TMEM94: variants seen among roughly 807,000 people sequenced by gnomAD.
TMEM94 encodes the protein transmembrane protein 94, also known as ER Mg2+ ATPase.
A neutral mutation model predicts 158.6 loss-of-function variants in TMEM94; 81 were observed. The observed-to-expected ratio is 0.51, with a 90% confidence interval of 0.43 to 0.61. TMEM94 has a LOEUF of 0.61. Among genes scored for constraint, TMEM94 ranks in the 20% least tolerant of loss-of-function variants. The pLI, the probability that TMEM94 is intolerant of heterozygous loss-of-function variation, is 0.00. For missense variants in TMEM94, 1,435 were observed against 1,762.0 expected, an observed-to-expected ratio of 0.81 and a Z score of 3.32; for synonymous variants, 751 against 730.7, an observed-to-expected ratio of 1.03 and a Z score of -0.45.
At position 75,487,990 on chromosome 17, in the gene TMEM94, C is replaced by A. The variant is rs776589319; in HGVS notation, c.468C>A (p.His156Gln). ...CCAGTGCCATGTATCCAGACCTCCA[C>A]ATGCCTTTTGCGCCATCCTGGTCCT... ...QWPSAMYPDLHMPFAPSWSLH... is the reference protein window; with the variant it reads ...QWPSAMYPDLQMPFAPSWSLH... The change falls in exon 6 of 32, where the codon CAC (histidine) becomes CAA (glutamine). Residue 156 changes from histidine (H) to glutamine (Q), a missense_variant. His to Gln is a conservative substitution (Grantham distance 24). This residue lies in a region of TMEM94 where 1,051 missense variants were observed against 1,254.4 expected (regional missense o/e 0.84). Transcript: ENST00000314256. This position sits in a 1 kb window ranked among gnomAD's most constrained non-coding sequence, Gnocchi z 4.6. 6 of 1,614,206 alleles carry A rather than the reference C, an allele frequency of 3.7e-6. No individual in the cohort carries two copies. Among genetic ancestry groups the A allele is most frequent in the Non-Finnish European group, 5.1e-6 (6 of 1,180,022 alleles).
chr17:75,483,403 G>A (rs527913537), intron 2 of TMEM94, among the ~76,000 whole-genome samples: 2 of 152,140 alleles, frequency 1.3e-5, no homozygotes, highest in Non-Finnish European at 2.9e-5. Flanking sequence ...GACAGTCACT[G>A]TGAGAGGAAA....
At chr17:75,462,950 G>A in intron 1 of TMEM94, among the ~76,000 whole-genome samples, 1 of 134,496 alleles carries the variant, frequency 7.4e-6, no homozygotes, top group African/African-American at 2.9e-5. Flanking sequence ...CCATGATCAT[G>A]CCACTGCACT....
rs866341630 is a variant in TMEM94 at position 75,499,284 on chromosome 17, C to T, written c.4021C>T (p.Arg1341Ter). 10 of 1,613,588 alleles carry T rather than the reference C, an allele frequency of 6.2e-6. No individual in the cohort carries two copies. The highest frequency in any genetic ancestry group is 1.1e-5 in the South Asian group (1 of 91,086). Residue 1341 changes from arginine (R) to a stop codon, truncating the protein, a stop_gained, in exon 32 of 32, where the codon CGA becomes TGA. Coordinates refer to ENST00000314256, the MANE Select transcript of TMEM94 (RefSeq NM_014738.6). LOFTEE classifies it high-confidence loss of function. ...EIRVRVRYQK[R>*]QKLQFETKLG... ...CAGGGTCCGAGTCCGCTACCAGAAG[C>T]GACAGAAGCTGCAGTTTGAAACTAA...
chr17:75,483,284 G>T (rs1172600806), intron 2 of TMEM94, among the ~76,000 whole-genome samples: 2 of 152,082 alleles, frequency 1.3e-5, no homozygotes, highest in Non-Finnish European at 2.9e-5. Flanking sequence ...GGCAGGCCCT[G>T]CTCTGGCCAA....
chr17:75,462,379 A>G (rs2146030067), intron 1 of TMEM94, among the ~76,000 whole-genome samples: 1 of 152,094 alleles, frequency 6.6e-6, no homozygotes, highest in South Asian at 2.1e-4. Flanking sequence ...ATCTTTGCAT[A>G]TGGAGAAGCT....
intron 1 of TMEM94, among the ~76,000 whole-genome samples, chr17:75,461,518 A>AGT (rs2050067954): frequency 6.6e-6 from 1 of 152,180 alleles, no homozygotes; most frequent in African/African-American, 2.4e-5. Context: ...TTTTTTAAAA[A>AGT]GTATATATAG....
In TMEM94 at chr17:75,491,557, A is replaced by G; in HGVS notation, c.1386+102A>G. On this transcript the variant is annotated intron_variant, in intron 13 of 31. Transcript: ENST00000314256. The surrounding 1 kb of genome is among the most constrained non-coding windows in gnomAD (Gnocchi z 5.1). ...AGGGTGAGGTTTCGGAGGGCGAAGG[A>G]GGGTTTGGGCACCATTAGGATCTGC... 6.3e-7 allele frequency: 1 copy of G among 1,584,120 alleles called. No homozygotes were observed.
intron 2 of TMEM94, among the ~76,000 whole-genome samples, chr17:75,480,922 C>T (rs890248019): frequency 1.2e-4 from 19 of 152,344 alleles, no homozygotes; most frequent in Middle Eastern, 3.4e-3. Flanking sequence ...GGAACACTCA[C>T]ATTCCTCTCT....
In TMEM94 at chr17:75,491,107, C is replaced by T. The variant is rs771442844; in HGVS notation, c.1187C>T (p.Thr396Met). The T allele has an allele frequency of 2.9e-5, 46 of 1,613,466 alleles. No individual in the cohort carries two copies. The highest frequency in any genetic ancestry group is 6.7e-5 in the African/African-American group (5 of 74,920). Residue 396 changes from threonine (T) to methionine (M), a missense_variant, in exon 12 of 32, where the codon ACG (threonine) becomes ATG (methionine). Physicochemically the swap from Thr to Met is moderately conservative, Grantham distance 81 (BLOSUM62 -1). Transcript: ENST00000314256. This position sits in a 1 kb window ranked among gnomAD's most constrained non-coding sequence, Gnocchi z 5.1. ...FLRVLGGTSPTLSHSSSLLHS... is the reference protein window; with the variant it reads ...FLRVLGGTSPMLSHSSSLLHS... ...AGGGTGCTCGGGGGGACATCGCCAACGCTGAGCCACAGTTCCAGCCTGCTG... is the reference window on the plus strand; with the variant it reads ...AGGGTGCTCGGGGGGACATCGCCAATGCTGAGCCACAGTTCCAGCCTGCTG...
chr17:75,461,338 G>C (rs1286819474), intron 1 of TMEM94, among the ~76,000 whole-genome samples: 1 of 151,780 alleles, frequency 6.6e-6, no homozygotes, highest in Non-Finnish European at 1.5e-5. Flanking sequence ...GACCCCAGAT[G>C]ATCCGCCTGC....
chr17:75,464,130 G>A (rs2050203076), intron 1 of TMEM94, among the ~76,000 whole-genome samples: 1 of 152,176 alleles, frequency 6.6e-6, no homozygotes, highest in African/African-American at 2.4e-5. Context: ...TCTGAGCTTG[G>A]CAGCAGGAGG....
At chr17:75,490,566 G>C in intron 10 of TMEM94, 136 bp from the exon 11 acceptor site, 1 of 891,486 alleles carries the variant, frequency 1.1e-6, no homozygotes, top group Non-Finnish European at 1.7e-6. Context: ...CACCAGGTGG[G>C]GAGTCAGAAC....
chr17:75,491,512 G>A lies in TMEM94; in HGVS notation c.1386+57G>A, dbSNP rs1567958374. 1 of 1,611,936 alleles carries A rather than the reference G, an allele frequency of 6.2e-7. No individual in the cohort carries two copies. Among genetic ancestry groups the A allele is most frequent in the Non-Finnish European group, 8.5e-7 (1 of 1,178,694 alleles). ...GCCCGACTCTGGGCCAGGCTGTTTA[G>A]CCTTGGAGCCTGGCCAGGGAGGGTG... On this transcript the variant is annotated intron_variant, in intron 13 of 31. Coordinates refer to ENST00000314256, the MANE Select transcript of TMEM94 (RefSeq NM_014738.6). The surrounding 1 kb of genome is among the most constrained non-coding windows in gnomAD (Gnocchi z 5.1).
intron 9 of TMEM94, 119 bp from the exon 10 acceptor site, chr17:75,490,115 C>T: frequency 1.4e-6 from 2 of 1,419,634 alleles, no homozygotes; most frequent in East Asian, 2.4e-5. Context: ...CCCTTCCTGC[C>T]CCTGAGAGAG....
At chr17:75,460,775 G>A (rs1037420061) in intron 1 of TMEM94, among the ~76,000 whole-genome samples, 4 of 152,036 alleles carry the variant, frequency 2.6e-5, no homozygotes, top group African/African-American at 4.8e-5. Flanking sequence ...GCCTCCCAAA[G>A]TGCTGGAATT....
rs2049910563 is a variant in TMEM94, at chr17:75,456,938, G to C, written c.-107+187G>C. Among the ~76,000 whole-genome samples the C allele has an allele frequency of 4.6e-5, 7 of 152,296 alleles. No individual in the cohort carries two copies. In the South Asian group the frequency reaches 1.4e-3, roughly 32 times the overall value. ...CTCTAGTCTCCAGCTCTTGACCATT[G>C]CCTTCCCCCGAGTCTTCAGACTCTT... On this transcript the variant is annotated intron_variant, in intron 1 of 31. Transcript: ENST00000314256.
chr17:75,484,116 A>G (rs991491564), intron 2 of TMEM94, among the ~76,000 whole-genome samples: 3 of 152,152 alleles, frequency 2.0e-5, no homozygotes, highest in South Asian at 4.1e-4. Context: ...CACTGTCCAC[A>G]CCTTGTCCCA....
At chr17:75,474,234 G>A (rs1190252819) in intron 2 of TMEM94, among the ~76,000 whole-genome samples, 1 of 151,946 alleles carries the variant, frequency 6.6e-6, no homozygotes, top group Non-Finnish European at 1.5e-5. Context: ...GCCAGGTGCA[G>A]TGGCTCACAC....
chr17:75,476,992 C>T (rs1033916202), intron 2 of TMEM94, among the ~76,000 whole-genome samples: 1 of 152,120 alleles, frequency 6.6e-6, no homozygotes, highest in African/African-American at 2.4e-5. Context: ...CCCAAGCCTC[C>T]CAGGGGATAC....
Sources: allele counts gnomAD v4.1 joint callset (sites outside exome capture counted in the v4.1 genomes callset), GRCh38; gene constraint gnomAD v4.1.1; regional missense constraint gnomAD v4.1.1; non-coding constraint Gnocchi (gnomAD v3.1); transcripts MANE v1.5; gene names NCBI Gene and HGNC (gene_info 2026-07-23, HGNC 2026-07-21).